STK32B: variants seen among roughly 807,000 people sequenced by gnomAD.
STK32B encodes serine/threonine-protein kinase 32B.
A neutral mutation model predicts 52.6 loss-of-function variants in STK32B; 43 were observed. That is an observed-to-expected ratio of 0.82 (90% CI 0.64 to 1.05). STK32B has a LOEUF of 1.05. Ranked by LOEUF, STK32B falls within the 50% of genes least tolerant of loss-of-function variation. STK32B has a pLI of 0.00. For missense variants in STK32B, 621 were observed against 534.6 expected (o/e 1.16, Z -1.59); for synonymous variants, 238 against 204.3 (o/e 1.17, Z -1.41).
chr4:5,233,339 T>C (rs111968238), intron 3 of STK32B, among the ~76,000 whole-genome samples: 5 of 152,284 alleles, frequency 3.3e-5, no homozygotes, highest in African/African-American at 9.6e-5. Context: ...TGAGGAATTC[T>C]GTGGAAGTGT....
At chr4:5,311,169 A>C (rs942413927) in intron 3 of STK32B, among the ~76,000 whole-genome samples, 1 of 152,158 alleles carries the variant, frequency 6.6e-6, no homozygotes, top group Non-Finnish European at 1.5e-5. Context: ...CCACTATAGA[A>C]TTACTTTAGT....
chr4:5,165,430 C>G (rs1176952458), intron 2 of STK32B, among the ~76,000 whole-genome samples: 1 of 152,080 alleles, frequency 6.6e-6, no homozygotes, highest in Non-Finnish European at 1.5e-5. Context: ...CCCTTGAAAC[C>G]CAGAAGCGCC....
chr4:5,377,019 G>A (rs905669594), intron 4 of STK32B, among the ~76,000 whole-genome samples: 3 of 152,006 alleles, frequency 2.0e-5, no homozygotes, highest in Non-Finnish European at 4.4e-5. Flanking sequence ...AGAAGGGTCC[G>A]ACTGCTACAC....
chr4:5,234,367 T>C (rs2108809947), intron 3 of STK32B, among the ~76,000 whole-genome samples: 1 of 152,286 alleles, frequency 6.6e-6, no homozygotes, highest in Middle Eastern at 3.4e-3. Context: ...AAAAGTTTGG[T>C]AAAATGGAAG....
At chr4:5,326,994 T>C (rs1025901353) in intron 3 of STK32B, among the ~76,000 whole-genome samples, 1 of 152,144 alleles carries the variant, frequency 6.6e-6, no homozygotes, top group Non-Finnish European at 1.5e-5. Context: ...CTTGTGTCAT[T>C]TTAACAATGT....
intron 4 of STK32B, among the ~76,000 whole-genome samples, chr4:5,372,333 C>T (rs1442634151): frequency 1.3e-5 from 2 of 152,122 alleles, no homozygotes; most frequent in African/African-American, 2.4e-5. Flanking sequence ...TCCCTGGGTC[C>T]TGCCATCTCT....
intron 3 of STK32B, among the ~76,000 whole-genome samples, chr4:5,241,773 G>A (rs1010819433): frequency 1.2e-4 from 18 of 152,034 alleles, no homozygotes; most frequent in Admixed American, 6.6e-5. Context: ...TCCGCTTCCT[G>A]TGTCCATGTG....
chr4:5,051,942 C>T (rs1477945863), intron 1 of STK32B, 27 bp downstream of exon 1: 1 of 1,571,448 alleles, frequency 6.4e-7, no homozygotes, highest in South Asian at 1.2e-5. Context: ...TGCGAATTCC[C>T]GCTTCGCGGG....
At chr4:5,358,816 G>T (rs1000355234) in intron 4 of STK32B, among the ~76,000 whole-genome samples, 3 of 152,072 alleles carry the variant, frequency 2.0e-5, no homozygotes, top group Non-Finnish European at 2.9e-5. Flanking sequence ...GAAAATGTAG[G>T]GCTAGAAAAG....
intron 1 of STK32B, among the ~76,000 whole-genome samples, chr4:5,132,879 A>G (rs979593776): frequency 2.0e-5 from 3 of 151,808 alleles, no homozygotes; most frequent in African/African-American, 7.3e-5. Context: ...GCTCACTGCA[A>G]CCTCTGCCTT....
intron 7 of STK32B, among the ~76,000 whole-genome samples, chr4:5,452,908 C>T (rs185818039): frequency 1.3e-5 from 2 of 152,126 alleles, no homozygotes; most frequent in Admixed American, 1.3e-4. Context: ...ATAAATACCA[C>T]CTGGTATTCT....
the STK32B span, among the ~76,000 whole-genome samples, chr4:5,028,661 G>A: frequency 1.1e-4 from 17 of 152,268 alleles, no homozygotes; most frequent in East Asian, 5.8e-4. Flanking sequence ...CTCAAACTGC[G>A]GTGGAGAAGA....
At chr4:5,317,503 T>C (rs532769712) in intron 3 of STK32B, among the ~76,000 whole-genome samples, 1 of 88,400 alleles carries the variant, frequency 1.1e-5, no homozygotes, top group South Asian at 2.9e-4. Context: ...ATATATATTA[T>C]ATATGTATAA....
chr4:5,448,429 C>T (rs1025809719), intron 7 of STK32B, among the ~76,000 whole-genome samples: 25 of 152,286 alleles, frequency 1.6e-4, no homozygotes, highest in African/African-American at 5.3e-4. Flanking sequence ...CACCGGCATC[C>T]GCCAGAGGCT....
At position 5,323,362 on chromosome 4, in the gene STK32B, G is replaced by A. The variant is rs545729920; in HGVS notation, c.261-7858G>A. Among the ~76,000 whole-genome samples the A allele has an allele frequency of 2.8e-3, 420 of 152,252 alleles. 1 individual carries two copies. Among genetic ancestry groups the A allele is most frequent in the African/African-American group, 9.6e-3 (401 of 41,568 alleles). Reference sequence around the variant, plus strand: ...CAGGAGTGTAAGCCCACTATGAGCAGGTTCTGAAGCAGAAGGGGAGCCCGA... The same window carrying A: ...CAGGAGTGTAAGCCCACTATGAGCAAGTTCTGAAGCAGAAGGGGAGCCCGA... On this transcript the variant is annotated intron_variant, in intron 3 of 11. Transcript: ENST00000282908.
At chr4:5,038,749 G>A in the STK32B span, among the ~76,000 whole-genome samples, 4 of 152,296 alleles carry the variant, frequency 2.6e-5, no homozygotes, top group Admixed American at 1.3e-4. Flanking sequence ...TAGCTGGTGA[G>A]TGAATGGGAA....
intron 1 of STK32B, among the ~76,000 whole-genome samples, chr4:5,119,395 C>G (rs921484497): frequency 6.6e-6 from 1 of 152,214 alleles, no homozygotes; most frequent in East Asian, 1.9e-4. Context: ...AGTACCAGGC[C>G]AGAACATTTG....
the STK32B span, among the ~76,000 whole-genome samples, chr4:5,021,624 A>G: frequency 6.6e-6 from 1 of 152,224 alleles, no homozygotes; most frequent in Non-Finnish European, 1.5e-5. Flanking sequence ...TAGATCAAGG[A>G]GACATTGCTG....
intron 3 of STK32B, among the ~76,000 whole-genome samples, chr4:5,315,944 A>G (rs1044551951): frequency 4.0e-5 from 6 of 150,548 alleles, no homozygotes; most frequent in Admixed American, 1.3e-4. Flanking sequence ...ACCTCAGGTG[A>G]TCTGCCTGCC....
Sources: allele counts gnomAD v4.1 joint callset (sites outside exome capture counted in the v4.1 genomes callset), GRCh38; gene constraint gnomAD v4.1.1; transcripts MANE v1.5; gene names NCBI Gene and HGNC (gene_info 2026-07-23, HGNC 2026-07-21).